KSR2: variants seen among roughly 807,000 people sequenced by gnomAD.
KSR2 encodes the protein kinase suppressor of ras 2.
In KSR2, 25 loss-of-function variants were observed where a neutral mutation model predicts 107.8. The observed-to-expected ratio is 0.23, with a 90% CI of 0.17 to 0.32. The LOEUF is 0.32. Among genes scored for constraint, KSR2 ranks in the 10% least tolerant of loss-of-function variants. The pLI, the probability that KSR2 is intolerant of heterozygous loss-of-function variation, is 1.00. For synonymous variants in KSR2, 480 were observed against 507.0 expected, an observed-to-expected ratio of 0.95 and a Z score of 0.71; for missense variants, 887 against 1,268.9, an observed-to-expected ratio of 0.70 and a Z score of 4.57.
chr12:117,615,541 C>T (rs1881831517), intron 5 of KSR2, among the ~76,000 whole-genome samples: 1 of 152,136 alleles, frequency 6.6e-6, no homozygotes, highest in Non-Finnish European at 1.5e-5. Flanking sequence ...TGGTGACTAG[C>T]TCCTGTGAAA....
intron 3 of KSR2, among the ~76,000 whole-genome samples, chr12:117,829,108 G>C (rs1891861760): frequency 6.6e-6 from 1 of 152,138 alleles, no homozygotes; most frequent in South Asian, 2.1e-4. Flanking sequence ...AGACATAAGA[G>C]TCACCATTCC....
intron 4 of KSR2, among the ~76,000 whole-genome samples, chr12:117,756,329 G>T (rs1163535213): frequency 6.6e-6 from 1 of 152,242 alleles, no homozygotes; most frequent in African/African-American, 2.4e-5. Context: ...GACTACCGCA[G>T]CTGGTGACTT....
chr12:117,920,794 G>C (rs1191538870), intron 1 of KSR2, among the ~76,000 whole-genome samples: 1 of 152,112 alleles, frequency 6.6e-6, no homozygotes, highest in East Asian at 1.9e-4. Flanking sequence ...ACAGGGTGGA[G>C]GGGAGGAAGG....
At chr12:117,532,242 T>C (rs185103748) in intron 10 of KSR2, among the ~76,000 whole-genome samples, 1 of 152,220 alleles carries the variant, frequency 6.6e-6, no homozygotes, top group African/African-American at 2.4e-5. Context: ...GAAATAAGTC[T>C]TACAGGGCTG....
At chr12:117,724,163 C>T (rs1424830170) in intron 4 of KSR2, among the ~76,000 whole-genome samples, 1 of 151,750 alleles carries the variant, frequency 6.6e-6, no homozygotes, top group Non-Finnish European at 1.5e-5. Flanking sequence ...CAAAAATTAG[C>T]CAGGCATGGT....
At chr12:117,922,230 T>C (rs1157926814) in intron 1 of KSR2, among the ~76,000 whole-genome samples, 1 of 152,176 alleles carries the variant, frequency 6.6e-6, no homozygotes, top group African/African-American at 2.4e-5. Flanking sequence ...AAAATTTTCA[T>C]CAGCCAATCT....
At chr12:117,578,362 C>CG (rs1879412389) in intron 7 of KSR2, among the ~76,000 whole-genome samples, 2 of 152,056 alleles carry the variant, frequency 1.3e-5, no homozygotes, top group South Asian at 4.2e-4. Flanking sequence ...GGGAGCCTGA[C>CG]GGGGGAGGAT....
chr12:117,660,373 T>C (rs925738962), intron 5 of KSR2, among the ~76,000 whole-genome samples: 8 of 152,226 alleles, frequency 5.3e-5, no homozygotes, highest in Non-Finnish European at 1.2e-4. Flanking sequence ...GAGGAGAGCA[T>C]GTCCTCATGA....
In KSR2 at chr12:117,484,765, C is replaced by A. The variant is rs192098872; in HGVS notation, c.2317-216G>T. ...GCAGGGCCCCCAAGACACAAATCCACTGCCACTCTTAGACCACAGAAAGGC... is the reference window on the plus strand; with the variant it reads ...GCAGGGCCCCCAAGACACAAATCCAATGCCACTCTTAGACCACAGAAAGGC... On this transcript the variant is annotated intron_variant, in intron 15 of 19. Transcript: ENST00000339824. Among the ~76,000 whole-genome samples, 49 of 152,306 alleles carry A rather than the reference C, an allele frequency of 3.2e-4. 1 individual carries two copies. The highest frequency in any genetic ancestry group is 1.1e-3 in the African/African-American group (46 of 41,564).
chr12:117,703,816 A>G (rs1232787797), intron 4 of KSR2, among the ~76,000 whole-genome samples: 1 of 152,150 alleles, frequency 6.6e-6, no homozygotes, highest in African/African-American at 2.4e-5. Context: ...GAGAACTCCA[A>G]CTTCATGAGG....
intron 3 of KSR2, among the ~76,000 whole-genome samples, chr12:117,811,863 G>C (rs1397681778): frequency 7.2e-5 from 11 of 152,280 alleles, no homozygotes; most frequent in Admixed American, 6.5e-4. Context: ...TGTTTTGGAG[G>C]TTCTGCAGGG....
chr12:117,575,369 G>A (rs1352863334), intron 7 of KSR2, among the ~76,000 whole-genome samples: 1 of 152,138 alleles, frequency 6.6e-6, no homozygotes, highest in East Asian at 1.9e-4. Flanking sequence ...ACCTGTCACG[G>A]CTCTTTATGT....
chr12:117,628,522 C>T (rs1472417293), intron 5 of KSR2, among the ~76,000 whole-genome samples: 4 of 152,186 alleles, frequency 2.6e-5, no homozygotes, highest in Non-Finnish European at 4.4e-5. Context: ...TGGGTATCAC[C>T]AGCAGAGGCT....
Position 117,761,162 on chromosome 12 carries a change from T to C in KSR2, c.835A>G (p.Met279Val). Residue 279 changes from methionine (M) to valine (V), a missense_variant, in exon 4 of 20, where the codon ATG becomes GTG. Coordinates refer to ENST00000339824, the MANE Select transcript of KSR2 (RefSeq NM_173598.6). Reference sequence around the variant, plus strand: ...GGCTTCAGCTTGTTCTTCTTCCTCATGGGCGGCGTGCCCGGCGGGGTCACG... The same window carrying C: ...GGCTTCAGCTTGTTCTTCTTCCTCACGGGCGGCGTGCCCGGCGGGGTCACG... ...TTVTPPGTPP[M>V]RKKNKLKPPG... 8.1e-6 allele frequency: 13 copies of C among 1,604,202 alleles called. No individual in the cohort carries two copies. Among genetic ancestry groups the C allele is most frequent in the Non-Finnish European group, 1.0e-5 (12 of 1,174,166 alleles).
At chr12:117,739,260 CAGG>C (rs911987490) in intron 4 of KSR2, among the ~76,000 whole-genome samples, 49 of 152,110 alleles carry the variant, frequency 3.2e-4, no homozygotes, top group African/African-American at 1.1e-3. Context: ...GAGGCTGAGG[CAGG>C]AGAATGGCGT....
intron 5 of KSR2, among the ~76,000 whole-genome samples, chr12:117,606,157 G>C (rs1005416284): frequency 5.9e-5 from 9 of 152,056 alleles, no homozygotes; most frequent in African/African-American, 1.7e-4. Flanking sequence ...AAGTTCAACA[G>C]TTAAAAAGTT....
At chr12:117,569,899 T>C (rs139552877) in intron 7 of KSR2, among the ~76,000 whole-genome samples, 31 of 152,242 alleles carry the variant, frequency 2.0e-4, no homozygotes, top group African/African-American at 7.5e-4. Context: ...CAAGTTCACA[T>C]TCTAAAACTG....
chr12:117,647,485 G>A (rs1161424840), intron 5 of KSR2, among the ~76,000 whole-genome samples: 6 of 152,194 alleles, frequency 3.9e-5, no homozygotes, highest in Non-Finnish European at 8.8e-5. Flanking sequence ...GGAGGCTGTG[G>A]CACGTCCACG....
At chr12:117,915,047 C>T (rs746034915) in intron 1 of KSR2, among the ~76,000 whole-genome samples, 2 of 152,188 alleles carry the variant, frequency 1.3e-5, no homozygotes, top group Admixed American at 1.3e-4. Flanking sequence ...CGCCTAAAGC[C>T]GTACCAGCAA....
Sources: gnomAD v4.1 joint callset for allele counts (sites outside exome capture counted in the v4.1 genomes callset) on GRCh38, gnomAD v4.1.1 for gene constraint, MANE v1.5 for transcripts, NCBI Gene and HGNC (gene_info 2026-07-23, HGNC 2026-07-21) for gene names.